Variants in SH3PXD2B observed in about 807,000 individuals in gnomAD.
SH3PXD2B encodes the protein SH3 and PX domain-containing protein 2B.
In SH3PXD2B, 37 loss-of-function variants were observed where a neutral mutation model predicts 73.1. The observed-to-expected ratio is 0.51, with a 90% confidence interval of 0.39 to 0.67. The LOEUF is 0.67. Ranked by LOEUF, SH3PXD2B falls within the 30% of genes least tolerant of loss-of-function variation. The probability of loss-of-function intolerance (pLI) is 0.00; values close to 1 mark genes in which losing one functional copy is unlikely to be tolerated. For missense variants in SH3PXD2B, 1,053 were observed against 1,197.8 expected (o/e 0.88, Z 1.78); for synonymous variants, 457 against 480.5 (o/e 0.95, Z 0.64).
At chr5:172,417,405 A>C (rs1758850596) in intron 2 of SH3PXD2B, among the ~76,000 whole-genome samples, 1 of 152,240 alleles carries the variant, frequency 6.6e-6, no homozygotes, top group African/African-American at 2.4e-5. Context: ...AAAGCTAAGA[A>C]GTGAAGAAAG....
rs919966597 is a variant in SH3PXD2B, at chr5:172,334,103, C to A, written c.*4266G>T. 89 of 1,122,170 alleles carry A rather than the reference C, an allele frequency of 7.9e-5. No homozygotes were observed. The highest frequency in any genetic ancestry group is 9.6e-5 in the Non-Finnish European group (88 of 913,424). The allele number at this position is 1,122,170 out of a possible 1,614,324, so 69.5% of individuals were successfully genotyped here. ...TTGAGCCCCTCATCCCTGATTGGAG[C>A]TAAGAAGGCTTACTTTGGAGTCGAG... On this transcript the variant is annotated 3_prime_UTR_variant, in exon 13 of 13. Coordinates refer to ENST00000311601, the MANE Select transcript of SH3PXD2B (RefSeq NM_001017995.3).
chr5:172,338,282 G>A lies in SH3PXD2B; in HGVS notation c.*87C>T, dbSNP rs1756750862. The A allele has an allele frequency of 4.4e-6, 7 of 1,608,750 alleles. No homozygotes were observed. Among genetic ancestry groups the A allele is most frequent in the Admixed American group, 3.4e-5 (2 of 59,676 alleles). On this transcript the variant is annotated 3_prime_UTR_variant, in exon 13 of 13. Coordinates refer to ENST00000311601, the MANE Select transcript of SH3PXD2B (RefSeq NM_001017995.3). The surrounding 1 kb of genome is among the most constrained non-coding windows in gnomAD (Gnocchi z 5.1). ...AGAGTCTGTCTGCCTTGGAAGCTGCGTGGAGAATGATAAATTAAGAGGCGT... is the reference window on the plus strand; with the variant it reads ...AGAGTCTGTCTGCCTTGGAAGCTGCATGGAGAATGATAAATTAAGAGGCGT...
At chr5:172,371,097 T>A (rs928708128) in intron 6 of SH3PXD2B, among the ~76,000 whole-genome samples, 3 of 152,192 alleles carry the variant, frequency 2.0e-5, no homozygotes, top group African/African-American at 7.2e-5. Flanking sequence ...AGAGGTACAG[T>A]GCCTTATCTA....
At chr5:172,366,188 C>T (rs1248976540) in intron 6 of SH3PXD2B, among the ~76,000 whole-genome samples, 2 of 152,200 alleles carry the variant, frequency 1.3e-5, no homozygotes, top group African/African-American at 4.8e-5. Flanking sequence ...AGGTTTCACA[C>T]AGATTTTCTG....
intron 5 of SH3PXD2B, among the ~76,000 whole-genome samples, chr5:172,378,987 G>A (rs1757880974): frequency 6.6e-6 from 1 of 150,384 alleles, no homozygotes; most frequent in Non-Finnish European, 1.5e-5. Flanking sequence ...GGAGAATGGT[G>A]TGAACCTGGG....
At chr5:172,348,641 TCTATCTATCTATC>T (rs1414140852) in intron 10 of SH3PXD2B, among the ~76,000 whole-genome samples, 11 of 75,874 alleles carry the variant, frequency 1.4e-4, no homozygotes, top group East Asian at 7.8e-4. Context: ...TATCTATGTA[TCTATCTATCTATC>T]CTATCTATCT....
intron 5 of SH3PXD2B, among the ~76,000 whole-genome samples, chr5:172,378,389 G>A (rs1054882322): frequency 3.9e-5 from 6 of 152,212 alleles, no homozygotes; most frequent in Non-Finnish European, 5.9e-5. Flanking sequence ...AGGACCTCCT[G>A]AAACTGCAGG....
At chr5:172,351,329 T>C (rs1215872001) in intron 9 of SH3PXD2B, among the ~76,000 whole-genome samples, 1 of 152,218 alleles carries the variant, frequency 6.6e-6, no homozygotes, top group African/African-American at 2.4e-5. Context: ...GGTGTTGCTA[T>C]GTTGCTCAGG....
intron 1 of SH3PXD2B, among the ~76,000 whole-genome samples, chr5:172,433,144 T>C (rs1001752880): frequency 7.2e-5 from 11 of 152,128 alleles, no homozygotes; most frequent in Non-Finnish European, 1.5e-4. Context: ...ATACTCACCA[T>C]TGTGTTACAA....
chr5:172,346,822 A>G (rs143190284), intron 11 of SH3PXD2B, among the ~76,000 whole-genome samples: 28 of 152,214 alleles, frequency 1.8e-4, no homozygotes, highest in Admixed American at 1.4e-3. Flanking sequence ...CTCAAAAACC[A>G]ATGCAAACAA....
intron 1 of SH3PXD2B, among the ~76,000 whole-genome samples, chr5:172,431,039 G>C (rs752509060): frequency 6.6e-6 from 1 of 151,990 alleles, no homozygotes; most frequent in Admixed American, 6.6e-5. Context: ...GCTAATTTTT[G>C]TATTTTTAAT....
intron 1 of SH3PXD2B, among the ~76,000 whole-genome samples, chr5:172,441,625 G>A (rs908166933): frequency 1.3e-5 from 2 of 152,142 alleles, no homozygotes; most frequent in African/African-American, 4.8e-5. Flanking sequence ...CGTCAAAGCT[G>A]GGTACCCTGG....
At chr5:172,355,766 G>C (rs1251221754) in intron 8 of SH3PXD2B, among the ~76,000 whole-genome samples, 1 of 151,948 alleles carries the variant, frequency 6.6e-6, no homozygotes, top group African/African-American at 2.4e-5. Flanking sequence ...GGATGGTCTC[G>C]ATCTCCTGAC....
intron 2 of SH3PXD2B, among the ~76,000 whole-genome samples, chr5:172,415,048 T>C (rs1379306703): frequency 1.3e-5 from 2 of 152,300 alleles, no homozygotes; most frequent in South Asian, 2.1e-4. Flanking sequence ...CCTGGATTTC[T>C]CTCTATCTGA....
At chr5:172,440,176 T>G (rs1759522505) in intron 1 of SH3PXD2B, among the ~76,000 whole-genome samples, 1 of 152,140 alleles carries the variant, frequency 6.6e-6, no homozygotes, top group Non-Finnish European at 1.5e-5. Flanking sequence ...GACAGAGCTG[T>G]CCAGAGTGAA....
chr5:172,366,251 G>A (rs1561906641), intron 6 of SH3PXD2B, among the ~76,000 whole-genome samples: 1 of 152,146 alleles, frequency 6.6e-6, no homozygotes, highest in Non-Finnish European at 1.5e-5. Context: ...CACACCCTCT[G>A]CCCCAGGGTC....
chr5:172,440,431 A>G (rs1394285514), intron 1 of SH3PXD2B, among the ~76,000 whole-genome samples: 1 of 152,218 alleles, frequency 6.6e-6, no homozygotes, highest in African/African-American at 2.4e-5. Context: ...TGCCTGGATC[A>G]GGAGTCTAGG....
In SH3PXD2B at chr5:172,382,061, G is replaced by T. The variant is rs1362048606; in HGVS notation, c.376C>A (p.Pro126Thr). ...DEVLQFFETR[P>T]EDLNPPKEEH... is the part of the protein sequence containing the mutation. ...TCTTTGGGGGGATTCAGGTCCTCAG[G>T]TCTTGTCTCAAAGAACTGCAGCACC... Residue 126 changes from proline to threonine, a missense_variant, in exon 5 of 13, where the codon CCT becomes ACT. Pro to Thr is a conservative substitution (Grantham distance 38). This residue lies in a region of SH3PXD2B where 466 missense variants were observed against 607.1 expected (regional missense o/e 0.77). Transcript: ENST00000311601. The T allele has an allele frequency of 1.2e-6, 2 of 1,612,306 alleles. No homozygotes were observed. Among genetic ancestry groups the T allele is most frequent in the Non-Finnish European group, 1.7e-6 (2 of 1,179,436 alleles).
chr5:172,325,890 C>T (rs534342753), intron 12 of SH3PXD2B, among the ~76,000 whole-genome samples: 20 of 152,336 alleles, frequency 1.3e-4, no homozygotes, highest in African/African-American at 4.1e-4. Context: ...CGGTTTCAAG[C>T]GATTCTCCTG....
Sources: allele counts gnomAD v4.1 joint callset (sites outside exome capture counted in the v4.1 genomes callset), GRCh38; gene constraint gnomAD v4.1.1; regional missense constraint gnomAD v4.1.1; non-coding constraint Gnocchi (gnomAD v3.1); transcripts MANE v1.5; gene names NCBI Gene and HGNC (gene_info 2026-07-23, HGNC 2026-07-21).